The following HUNK variants were observed in gnomAD, a reference collection of about 807,000 sequenced individuals.
The protein encoded by HUNK is hormonally up-regulated neu tumor-associated kinase.
HUNK carries 21 observed loss-of-function variants against 61.0 expected under a neutral mutation model. The observed-to-expected ratio is 0.34, with a 90% CI of 0.24 to 0.50. The LOEUF is 0.50. HUNK is among the 20% of genes least tolerant of loss of function. HUNK has a pLI of 0.98. For missense variants in HUNK, 772 were observed against 945.7 expected (o/e 0.82, Z 2.41); for synonymous variants, 371 against 386.1 (o/e 0.96, Z 0.46).
chr21:31,967,687 A>T (rs973615267), intron 5 of HUNK, among the ~76,000 whole-genome samples: 3 of 152,022 alleles, frequency 2.0e-5, no homozygotes, highest in Non-Finnish European at 4.4e-5. Flanking sequence ...AGAAAGCAGG[A>T]CCTCTCTGGC....
intron 1 of HUNK, among the ~76,000 whole-genome samples, chr21:31,878,483 C>G (rs1249150229): frequency 1.3e-5 from 2 of 151,684 alleles, no homozygotes; most frequent in African/African-American, 4.8e-5. Context: ...GCCTGTAATC[C>G]CAGCACTTTG....
rs1479271300 is a variant in HUNK at position 31,892,162 on chromosome 21, A to AAATAT, written c.261+18228_261+18229insATATA. Among the ~76,000 whole-genome samples the AAATAT allele has an allele frequency of 3.2e-3, 369 of 113,950 alleles. 6 individuals are homozygous for AAATAT. Among genetic ancestry groups the AAATAT allele is most frequent in the African/African-American group, 0.012 (353 of 28,666 alleles). The allele number at this position is 113,950 out of a possible 152,430, so 74.8% of individuals were successfully genotyped here. Reference sequence around the variant, plus strand: ...GAGAATTTGGTTAAAAAAAAAAAAAAATATATATATATATATATAGAGAGA... The same window carrying AAATAT: ...GAGAATTTGGTTAAAAAAAAAAAAAAAATATATATATATATATATATATAGAGAGA... On this transcript the variant is annotated intron_variant, in intron 1 of 10. Transcript: ENST00000270112.
chr21:31,990,068 A>G, intron 8 of HUNK, 61 bp from the exon 9 acceptor site: 1 of 1,453,256 alleles, frequency 6.9e-7, no homozygotes, highest in East Asian at 2.3e-5. Flanking sequence ...TAGGGGAAGC[A>G]TTTAGGGAAT....
intron 2 of HUNK, among the ~76,000 whole-genome samples, chr21:31,927,087 C>T (rs1160329524): frequency 6.6e-6 from 1 of 151,726 alleles, no homozygotes; most frequent in African/African-American, 2.4e-5. Flanking sequence ...GTCGCCCAGA[C>T]TGGAGTGCAG....
intron 3 of HUNK, among the ~76,000 whole-genome samples, chr21:31,942,744 C>G (rs1601389802): frequency 6.6e-6 from 1 of 152,292 alleles, no homozygotes; most frequent in East Asian, 1.9e-4. Context: ...CTTCAGAAAG[C>G]AGGATGCCCG....
chr21:31,946,517 C>T (rs937138833), intron 4 of HUNK, among the ~76,000 whole-genome samples: 2 of 152,180 alleles, frequency 1.3e-5, no homozygotes, highest in Non-Finnish European at 2.9e-5. Flanking sequence ...TGCTGCCTGG[C>T]CTGTGCTCCT....
chr21:31,994,585 T>C (rs2053190928), intron 9 of HUNK, among the ~76,000 whole-genome samples: 2 of 152,198 alleles, frequency 1.3e-5, no homozygotes, highest in African/African-American at 4.8e-5. Flanking sequence ...GTTGCTTTAA[T>C]AGTAAACACC....
intron 2 of HUNK, among the ~76,000 whole-genome samples, chr21:31,939,410 T>TC (rs2052753887): frequency 7.1e-6 from 1 of 140,470 alleles, no homozygotes; most frequent in Admixed American, 7.1e-5. Flanking sequence ...TTTTTTTTTT[T>TC]TTTTTTTTTT....
intron 1 of HUNK, among the ~76,000 whole-genome samples, chr21:31,879,780 A>G (rs1483877797): frequency 6.6e-6 from 1 of 152,166 alleles, no homozygotes; most frequent in Non-Finnish European, 1.5e-5. Context: ...GGTGTTCTCC[A>G]TGGGAAGGAG....
At chr21:31,910,393 C>A (rs1435177117) in intron 1 of HUNK, among the ~76,000 whole-genome samples, 4 of 150,988 alleles carry the variant, frequency 2.6e-5, no homozygotes, top group Non-Finnish European at 5.9e-5. Context: ...TAGGGCATCA[C>A]CCTCATGTCC....
intron 2 of HUNK, among the ~76,000 whole-genome samples, chr21:31,937,172 A>C (rs2052738306): frequency 6.6e-6 from 1 of 152,240 alleles, no homozygotes; most frequent in East Asian, 1.9e-4. Flanking sequence ...GAAAAGAAGA[A>C]GTGCCTTACA....
intron 8 of HUNK, among the ~76,000 whole-genome samples, chr21:31,984,767 C>T (rs1226207530): frequency 6.6e-6 from 1 of 152,252 alleles, no homozygotes; most frequent in East Asian, 1.9e-4. Context: ...TTCCCTTTTC[C>T]CTCTGGAGCC....
chr21:31,882,072 C>T (rs2052312609), intron 1 of HUNK, among the ~76,000 whole-genome samples: 1 of 152,026 alleles, frequency 6.6e-6, no homozygotes, highest in Admixed American at 6.6e-5. Context: ...GACCCCCCCT[C>T]CCCCATCACT....
chr21:31,904,326 T>A (rs2052490057), intron 1 of HUNK, among the ~76,000 whole-genome samples: 1 of 152,186 alleles, frequency 6.6e-6, no homozygotes, highest in Admixed American at 6.5e-5. Flanking sequence ...TACATTTATC[T>A]GATGTTTCCT....
chr21:31,954,119 T>A (rs1446983122), intron 4 of HUNK, among the ~76,000 whole-genome samples: 1 of 152,160 alleles, frequency 6.6e-6, no homozygotes, highest in Non-Finnish European at 1.5e-5. Flanking sequence ...TCATAAAGGC[T>A]TTAGAGTTGC....
At chr21:31,985,108 C>T (rs551511410) in intron 8 of HUNK, among the ~76,000 whole-genome samples, 1 of 152,304 alleles carries the variant, frequency 6.6e-6, no homozygotes, top group African/African-American at 2.4e-5. Context: ...GTGATCTCCA[C>T]CTGTCCCCGC....
At chr21:31,955,426 G>GA (rs375947112) in intron 4 of HUNK, among the ~76,000 whole-genome samples, 5,969 of 130,396 alleles carry the variant, frequency 0.046, 400 homozygotes, top group African/African-American at 0.15. Context: ...CCGTCTCTAC[G>GA]AAAAAAAAAA....
chr21:31,920,047 T>G (rs1346992335), intron 1 of HUNK, among the ~76,000 whole-genome samples: 1 of 152,218 alleles, frequency 6.6e-6, no homozygotes, highest in Non-Finnish European at 1.5e-5. Context: ...CCACGCTCCC[T>G]CCAGAGACTC....
At chr21:31,913,879 G>A (rs1006601496) in intron 1 of HUNK, among the ~76,000 whole-genome samples, 1 of 152,004 alleles carries the variant, frequency 6.6e-6, no homozygotes, top group African/African-American at 2.4e-5. Context: ...ACCCTGGTGA[G>A]GTAGTCACAG....
Sources: gnomAD v4.1 joint callset for allele counts (sites outside exome capture counted in the v4.1 genomes callset) on GRCh38, gnomAD v4.1.1 for gene constraint, MANE v1.5 for transcripts, NCBI Gene and HGNC (gene_info 2026-07-23, HGNC 2026-07-21) for gene names.